Variants in JMJD1C observed in about 807,000 individuals in gnomAD.
JMJD1C encodes jumonji domain containing 1C.
In JMJD1C, 31 loss-of-function variants were observed where a neutral mutation model predicts 245.3. That is an observed-to-expected ratio of 0.13 (90% CI 0.09 to 0.17). The LOEUF is 0.17. Among genes scored for constraint, JMJD1C ranks in the 10% least tolerant of loss-of-function variants. JMJD1C has a pLI of 1.00. For missense variants in JMJD1C, 2,691 were observed against 3,000.2 expected (o/e 0.90, Z 2.41); for synonymous variants, 1,057 against 1,017.4 (o/e 1.04, Z -0.74).
intron 1 of JMJD1C, among the ~76,000 whole-genome samples, chr10:63,396,214 T>C (rs192305241): frequency 1.6e-4 from 25 of 152,284 alleles, no homozygotes; most frequent in Admixed American, 1.2e-3. Context: ...GATTATACTA[T>C]ACATTCTAAA....
intron 3 of JMJD1C, among the ~76,000 whole-genome samples, chr10:63,227,492 A>C (rs919811516): frequency 6.6e-6 from 1 of 152,226 alleles, no homozygotes; most frequent in Non-Finnish European, 1.5e-5. Flanking sequence ...GGATAAAAGA[A>C]ATATCACAAA....
chr10:63,402,110 G>C (rs1473814264), intron 1 of JMJD1C, among the ~76,000 whole-genome samples: 1 of 146,586 alleles, frequency 6.8e-6, no homozygotes, highest in Non-Finnish European at 1.5e-5. Context: ...CTCCAGCCTG[G>C]GCAACAAGAG....
chr10:63,422,442 C>T (rs1328316960), intron 1 of JMJD1C, among the ~76,000 whole-genome samples: 1 of 152,146 alleles, frequency 6.6e-6, no homozygotes, highest in Non-Finnish European at 1.5e-5. Context: ...TTGCCATTTG[C>T]TCATGTTAAT....
At chr10:63,241,968 T>C (rs1303485969) in intron 3 of JMJD1C, among the ~76,000 whole-genome samples, 1 of 152,142 alleles carries the variant, frequency 6.6e-6, no homozygotes, top group Non-Finnish European at 1.5e-5. Context: ...CAAAAATAGA[T>C]ATGAGAACAG....
chr10:63,352,960 T>C (rs899403425), intron 2 of JMJD1C, among the ~76,000 whole-genome samples: 2 of 152,144 alleles, frequency 1.3e-5, no homozygotes, highest in African/African-American at 4.8e-5. Flanking sequence ...AATGGAGGAA[T>C]GGTATTGTTC....
chr10:63,248,556 A>AAATAAATAAATC (rs1852594790), intron 3 of JMJD1C, among the ~76,000 whole-genome samples: 1 of 151,762 alleles, frequency 6.6e-6, no homozygotes, highest in Non-Finnish European at 1.5e-5. Context: ...ATAAATAAAT[A>AAATAAATAAATC]AATAAATAAA....
intron 1 of JMJD1C, among the ~76,000 whole-genome samples, chr10:63,510,470 A>G (rs192377217): frequency 5.3e-5 from 8 of 152,296 alleles, no homozygotes; most frequent in Admixed American, 5.2e-4. Context: ...ACTATGTATT[A>G]TTTAGAAGTT....
chr10:63,496,610 C>T (rs1452848990), intron 1 of JMJD1C, among the ~76,000 whole-genome samples: 1 of 152,236 alleles, frequency 6.6e-6, no homozygotes, highest in Non-Finnish European at 1.5e-5. Flanking sequence ...CTTTCCTCCA[C>T]AAGTTTCATT....
intron 1 of JMJD1C, among the ~76,000 whole-genome samples, chr10:63,486,645 C>T (rs543563810): frequency 6.6e-6 from 1 of 152,246 alleles, no homozygotes; most frequent in Admixed American, 6.6e-5. Flanking sequence ...AACTGCATAT[C>T]ACCCTGCAGT....
At chr10:63,226,907 T>C (rs1478824042) in intron 3 of JMJD1C, among the ~76,000 whole-genome samples, 1 of 150,552 alleles carries the variant, frequency 6.6e-6, no homozygotes, top group Non-Finnish European at 1.5e-5. Flanking sequence ...TACTAAAAAA[T>C]ACAAAAAAAA....
At chr10:63,464,688 T>C (rs1564949030) in intron 1 of JMJD1C, among the ~76,000 whole-genome samples, 1 of 126,290 alleles carries the variant, frequency 7.9e-6, no homozygotes, top group Non-Finnish European at 1.8e-5. Flanking sequence ...CAGCGTCACA[T>C]GTAAGAAACC....
chr10:63,492,751 A>G (rs1954217067), intron 1 of JMJD1C, among the ~76,000 whole-genome samples: 1 of 152,190 alleles, frequency 6.6e-6, no homozygotes, highest in South Asian at 2.1e-4. Context: ...AATCACTAAA[A>G]ATATAAGAAA....
At chr10:63,288,549 G>A (rs1022743105) in intron 2 of JMJD1C, among the ~76,000 whole-genome samples, 1 of 152,164 alleles carries the variant, frequency 6.6e-6, no homozygotes, top group Admixed American at 6.6e-5. Flanking sequence ...ATCTGTTCAT[G>A]TCTTTTGCCC....
intron 1 of JMJD1C, among the ~76,000 whole-genome samples, chr10:63,492,201 T>C (rs576401321): frequency 6.6e-6 from 1 of 152,242 alleles, no homozygotes; most frequent in Admixed American, 6.5e-5. Flanking sequence ...GCCTGGATAA[T>C]TTTTTGTATT....
intron 1 of JMJD1C, among the ~76,000 whole-genome samples, chr10:63,453,575 A>G (rs917110560): frequency 1.3e-5 from 2 of 152,226 alleles, no homozygotes; most frequent in African/African-American, 4.8e-5. Context: ...TTCAAATTAG[A>G]AAGAATTTCT....
At chr10:63,208,899 C>T in intron 9 of JMJD1C, 98 bp from the exon 10 acceptor site, 4 of 1,093,202 alleles carry the variant, frequency 3.7e-6, no homozygotes, top group South Asian at 1.6e-5. Context: ...AAGTAAAAGA[C>T]ATCTTTGCAT....
chr10:63,314,173 G>A (rs562304387), intron 2 of JMJD1C, among the ~76,000 whole-genome samples: 15 of 152,194 alleles, frequency 9.9e-5, no homozygotes, highest in Admixed American at 8.5e-4. Flanking sequence ...TTGTTGAATA[G>A]GGTGTTCTTT....
chr10:63,214,300 T>C lies in JMJD1C; in HGVS notation c.1867A>G (p.Ile623Val), dbSNP rs753603959. 8.8e-5 allele frequency: 142 copies of C among 1,613,984 alleles called. 2 individuals are homozygous for C. The South Asian group carries it at 1.4e-3, about 16-fold the overall frequency. Residue 623 changes from isoleucine to valine, a missense_variant, in exon 8 of 26, where the codon ATA becomes GTA. Ile to Val is a conservative substitution (Grantham distance 29, BLOSUM62 3). Coordinates refer to ENST00000399262, the MANE Select transcript of JMJD1C (RefSeq NM_032776.3). ...LHKRSPPPET[I>V]KSKLNTSVDT... ...ACTGAAGTATTAAGTTTAGATTTTA[T>C]AGTCTCTGGAGGTGGACTTCGCTTA...
At chr10:63,398,006 C>A (rs1385224710) in intron 1 of JMJD1C, among the ~76,000 whole-genome samples, 1 of 152,150 alleles carries the variant, frequency 6.6e-6, no homozygotes, top group African/African-American at 2.4e-5. Context: ...CCTTTTGTTA[C>A]AGAGACAGTA....
Sources: allele counts gnomAD v4.1 joint callset (sites outside exome capture counted in the v4.1 genomes callset), GRCh38; gene constraint gnomAD v4.1.1; transcripts MANE v1.5; gene names NCBI Gene and HGNC (gene_info 2026-07-23, HGNC 2026-07-21).